The following TIAM1 variants were observed in gnomAD, a reference collection of about 807,000 sequenced individuals.
The protein encoded by TIAM1 is TIAM Rac1 associated GEF 1, also known as rho guanine nucleotide exchange factor TIAM1.
Under a neutral mutation model 163.5 loss-of-function variants are expected in TIAM1, and 65 were observed. The ratio of observed to expected loss-of-function variants is 0.40; its 90% CI spans 0.33 to 0.49. TIAM1 has a LOEUF of 0.49. TIAM1 is among the 20% of genes least tolerant of loss of function. The pLI is 0.77. For synonymous variants in TIAM1, 833 were observed against 810.1 expected (o/e 1.03, Z -0.48); for missense variants, 1,789 against 2,044.7 (o/e 0.87, Z 2.41).
intron 2 of TIAM1, among the ~76,000 whole-genome samples, chr21:31,362,965 T>G (rs2076432645): frequency 6.6e-6 from 1 of 152,056 alleles, no homozygotes; most frequent in Admixed American, 6.6e-5. Flanking sequence ...CCCCCTTTAT[T>G]TGTAATGTTT....
intron 23 of TIAM1, among the ~76,000 whole-genome samples, chr21:31,131,915 A>C (rs1002742537): frequency 6.6e-6 from 1 of 152,210 alleles, no homozygotes; most frequent in African/African-American, 2.4e-5. Flanking sequence ...AGGAAGTAGG[A>C]GAAAGCAGGA....
chr21:31,185,372 T>C (rs2085232989), intron 14 of TIAM1, among the ~76,000 whole-genome samples: 1 of 147,652 alleles, frequency 6.8e-6, no homozygotes, highest in Non-Finnish European at 1.5e-5. Flanking sequence ...TATATAATAA[T>C]TGCACATCAT....
At chr21:31,228,219 TTAAAAAAAAAAAAAAAAA>T (rs2088120031) in intron 6 of TIAM1, among the ~76,000 whole-genome samples, 2 of 17,628 alleles carry the variant, frequency 1.1e-4, no homozygotes, top group Non-Finnish European at 2.1e-4. Context: ...CCTCCTTTTT[TTAAAAAAAAAAAAAAAAA>T]AAAAAAAAAA....
chr21:31,261,348 G>A (rs975098702), intron 4 of TIAM1, among the ~76,000 whole-genome samples: 27 of 150,146 alleles, frequency 1.8e-4, no homozygotes, highest in African/African-American at 5.9e-4. Flanking sequence ...TTTCAAGCAC[G>A]GGGAGGTAGT....
intron 12 of TIAM1, among the ~76,000 whole-genome samples, chr21:31,198,296 G>A (rs2085992098): frequency 1.3e-5 from 2 of 152,188 alleles, no homozygotes; most frequent in African/African-American, 2.4e-5. Flanking sequence ...TCAGGAGCCT[G>A]AGAAAGCGTT....
In TIAM1 at chr21:31,301,941, CATAT is replaced by C. The variant is rs201086866; in HGVS notation, c.-188-25037_-188-25034del. ...TGTAATAAATAAAATATATATGTAA[CATAT>C]ATAAAATGTGTGTGTATATATGTGT... On this transcript the variant is annotated intron_variant, in intron 2 of 27. Coordinates refer to ENST00000541036, the MANE Select transcript of TIAM1 (RefSeq NM_001353694.2). Among the ~76,000 whole-genome samples the C allele has an allele frequency of 9.1e-3, 1,354 of 149,280 alleles. 62 individuals carry two copies. In the East Asian group the frequency reaches 0.17, roughly 18 times the overall value.
intron 11 of TIAM1, among the ~76,000 whole-genome samples, chr21:31,206,713 A>G (rs1226812888): frequency 1.3e-5 from 2 of 152,204 alleles, no homozygotes; most frequent in African/African-American, 4.8e-5. Context: ...ATTTCAAAGG[A>G]TGAAACAGCA....
At chr21:31,442,366 G>C (rs538159652) in intron 2 of TIAM1, among the ~76,000 whole-genome samples, 1 of 150,884 alleles carries the variant, frequency 6.6e-6, no homozygotes, top group Admixed American at 6.7e-5. Context: ...CTGAGTAGCT[G>C]AGGCTACAGG....
intron 4 of TIAM1, among the ~76,000 whole-genome samples, chr21:31,259,094 TTCCTC>T (rs1233641547): frequency 2.0e-5 from 3 of 152,100 alleles, no homozygotes; most frequent in African/African-American, 7.2e-5. Flanking sequence ...GGGCTCAACT[TTCCTC>T]TATTCTTATA....
chr21:31,315,031 C>A (rs545754519), intron 2 of TIAM1, among the ~76,000 whole-genome samples: 2 of 152,206 alleles, frequency 1.3e-5, no homozygotes, highest in African/African-American at 2.4e-5. Context: ...TGGTGAGAGT[C>A]GCCAAACCTC....
intron 2 of TIAM1, among the ~76,000 whole-genome samples, chr21:31,285,264 T>C (rs1466148926): frequency 6.6e-6 from 1 of 151,988 alleles, no homozygotes; most frequent in African/African-American, 2.4e-5. Flanking sequence ...AGGGAAGAGC[T>C]TGTGGGGGGG....
At chr21:31,311,291 G>A (rs904844355) in intron 2 of TIAM1, among the ~76,000 whole-genome samples, 1 of 152,134 alleles carries the variant, frequency 6.6e-6, no homozygotes, top group African/African-American at 2.4e-5. Flanking sequence ...CTAAAAAGGG[G>A]ATGGACTTCA....
intron 8 of TIAM1, among the ~76,000 whole-genome samples, chr21:31,222,023 C>G (rs2087589997): frequency 6.6e-6 from 1 of 152,180 alleles, no homozygotes; most frequent in Admixed American, 6.5e-5. Flanking sequence ...AAGAGCTGAG[C>G]TGTAATTAGC....
chr21:31,142,463 C>CAAAAAAAAAAAAAAAAAA (rs34368848), intron 20 of TIAM1, among the ~76,000 whole-genome samples: 1 of 49,926 alleles, frequency 2.0e-5, no homozygotes, highest in Admixed American at 3.0e-4. Context: ...ACTAAAAATA[C>CAAAAAAAAAAAAAAAAAA]AAAAAAAAAA....
intron 2 of TIAM1, among the ~76,000 whole-genome samples, chr21:31,325,063 T>C (rs1364540958): frequency 6.6e-6 from 1 of 151,718 alleles, no homozygotes; most frequent in African/African-American, 2.4e-5. Flanking sequence ...GCAGATCACT[T>C]GAGCCCAGGA....
chr21:31,262,406 G>A (rs2072528972), intron 4 of TIAM1, among the ~76,000 whole-genome samples: 1 of 152,184 alleles, frequency 6.6e-6, no homozygotes, highest in African/African-American at 2.4e-5. Flanking sequence ...AATCTAAGGA[G>A]TAACCTATTA....
chr21:31,532,608 A>G (rs2123234596), intron 1 of TIAM1, among the ~76,000 whole-genome samples: 1 of 152,264 alleles, frequency 6.6e-6, no homozygotes, highest in African/African-American at 2.4e-5. Context: ...TATCTTTCCA[A>G]TATGCTAGTG....
chr21:31,497,560 T>C (rs1260030663), intron 1 of TIAM1, among the ~76,000 whole-genome samples: 1 of 152,186 alleles, frequency 6.6e-6, no homozygotes, highest in Non-Finnish European at 1.5e-5. Flanking sequence ...AACAGGGTAG[T>C]TGGAGATGGA....
intron 2 of TIAM1, among the ~76,000 whole-genome samples, chr21:31,442,043 G>A (rs1341529369): frequency 2.7e-5 from 2 of 74,454 alleles, no homozygotes; most frequent in Non-Finnish European, 5.4e-5. Flanking sequence ...GCAATGAAAT[G>A]AGACCCTATC....
Sources: gnomAD v4.1 joint callset for allele counts (sites outside exome capture counted in the v4.1 genomes callset) on GRCh38, gnomAD v4.1.1 for gene constraint, MANE v1.5 for transcripts, NCBI Gene and HGNC (gene_info 2026-07-23, HGNC 2026-07-21) for gene names.